The following MYRFL variants were observed in gnomAD, a reference collection of about 807,000 sequenced individuals.
MYRFL encodes myelin regulatory factor like.
Under a neutral mutation model 109.4 loss-of-function variants are expected in MYRFL, and 88 were observed. The ratio of observed to expected loss-of-function variants is 0.80; its 90% CI spans 0.68 to 0.96. MYRFL has a LOEUF of 0.96. Ranked by LOEUF, MYRFL falls within the 40% of genes least tolerant of loss-of-function variation. The pLI is 0.00. For missense variants in MYRFL, 957 were observed against 954.9 expected (o/e 1.00, Z -0.03); for synonymous variants, 324 against 320.9 (o/e 1.01, Z -0.10).
chr12:69,897,111 C>T (rs2136342262), intron 9 of MYRFL, 45 bp from the exon 10 acceptor site: 1 of 1,288,864 alleles, frequency 7.8e-7, no homozygotes, highest in East Asian at 2.5e-5. Context: ...CAAATTGTGT[C>T]TCCATTCCTG....
intron 19 of MYRFL, among the ~76,000 whole-genome samples, chr12:69,950,002 T>G (rs1955936578): frequency 6.6e-6 from 1 of 152,198 alleles, no homozygotes; most frequent in Admixed American, 6.5e-5. Context: ...TGTTAACAAA[T>G]AGTAGGTGTA....
rs975717241 is a variant in MYRFL at position 69,955,376 on chromosome 12, A to G, written c.2389A>G (p.Asn797Asp). 4 of 646,624 alleles carry G rather than the reference A, an allele frequency of 6.2e-6. No homozygotes were observed. The highest frequency in any genetic ancestry group is 3.6e-5 in the South Asian group (2 of 55,426). 40.1% of individuals were successfully genotyped at this position (646,624 alleles called of 1,614,324 possible). The change falls in exon 22 of 25, where the codon AAT (asparagine) becomes GAT (aspartate). Residue 797 changes from asparagine to aspartate, a missense_variant. By Grantham distance (23) the Asn-to-Asp change is conservative. Transcript: ENST00000552032. ...QSLQCGSGNY[N>D]YNIPVNKHTP... ...TTCCATAATTAGATCTGGAAATTAT[A>G]ATTACAATATTCCTGTTAATAAACA...
intron 1 of MYRFL, among the ~76,000 whole-genome samples, chr12:69,852,579 A>ATTTTTTTTTTTTTTTTTTTTTTATTT (rs61145700): frequency 8.9e-6 from 1 of 112,202 alleles, no homozygotes; most frequent in African/African-American, 3.3e-5. Context: ...TTAATTTTTA[A>ATTTTTTTTTTTTTTTTTTTTTTATTT]TTTTTTTTTT....
At chr12:69,843,017 A>G (rs543585838) in intron 1 of MYRFL, among the ~76,000 whole-genome samples, 1 of 152,242 alleles carries the variant, frequency 6.6e-6, no homozygotes, top group African/African-American at 2.4e-5. Flanking sequence ...GATTGGTAAT[A>G]TCTCTAAGAA....
At chr12:69,954,401 A>G (rs887751885) in intron 21 of MYRFL, among the ~76,000 whole-genome samples, 1 of 152,252 alleles carries the variant, frequency 6.6e-6, no homozygotes, top group Non-Finnish European at 1.5e-5. Flanking sequence ...TTTAAAAAGT[A>G]CATTGATTCA....
chr12:69,943,193 A>G (rs1188529672), intron 19 of MYRFL, among the ~76,000 whole-genome samples: 1 of 151,986 alleles, frequency 6.6e-6, no homozygotes, highest in South Asian at 2.1e-4. Flanking sequence ...TTTAAAGTTC[A>G]TATGGAACGA....
At chr12:69,886,627 C>T (rs1282774979) in intron 5 of MYRFL, among the ~76,000 whole-genome samples, 193 bp from the exon 6 acceptor site, 1 of 152,072 alleles carries the variant, frequency 6.6e-6, no homozygotes, top group Non-Finnish European at 1.5e-5. Context: ...CACCCTTTGA[C>T]AACGCTGACC....
intron 19 of MYRFL, chr12:69,947,166 A>AAATT (rs1440410225): frequency 6.6e-6 from 1 of 152,254 alleles, no homozygotes; most frequent in Non-Finnish European, 1.5e-5. Flanking sequence ...GACCAATTAA[A>AAATT]AATTAAGGAA....
rs1566002379 is a variant in MYRFL at position 69,891,641 on chromosome 12, C to CTTTCTTTCTTTCTTTCT, written c.903+478_903+494dup. ...TTTCTTTCCTCCTTCCTTTCTTTTTCTTTCTTTCTTTCTTTCTTTCTTTCT... is the reference window on the plus strand; with the variant it reads ...TTTCTTTCCTCCTTCCTTTCTTTTTCTTTCTTTCTTTCTTTCTTTTCTTTCTTTCTTTCTTTCTTTCT... On this transcript the variant is annotated intron_variant, in intron 7 of 24. Transcript: ENST00000552032. 6.1e-4 allele frequency among the ~76,000 whole-genome samples: 47 copies of CTTTCTTTCTTTCTTTCT among 77,630 alleles called. 4 individuals carry two copies. Among genetic ancestry groups the CTTTCTTTCTTTCTTTCT allele is most frequent in the South Asian group, 1.0e-3 (2 of 1,948 alleles). 50.9% of individuals were successfully genotyped at this position (77,630 alleles called of 152,430 possible).
At chr12:69,924,137 C>T (rs961431756) in intron 13 of MYRFL, among the ~76,000 whole-genome samples, 3 of 145,502 alleles carry the variant, frequency 2.1e-5, no homozygotes, top group East Asian at 2.0e-4. Flanking sequence ...TGCAGTGAGC[C>T]GAGATCATGC....
rs1955141629 is a variant in MYRFL at position 69,927,722 on chromosome 12, A to C, written c.1804A>C (p.Arg602=). Reference sequence around the variant, plus strand: ...AGCCGTTAGTGCATCTTCTCCAAGAAGGGCCGTTCATAAAAAAAACAACAA... The same window carrying C: ...AGCCGTTAGTGCATCTTCTCCAAGACGGGCCGTTCATAAAAAAAACAACAA... The part of the protein sequence containing the change: ...SRAVSASSPR[R]AVHKKNNKVY... The change falls in exon 15 of 25, where the codon AGG becomes CGG. Residue 602 remains arginine, a synonymous_variant. Transcript: ENST00000552032. The C allele has an allele frequency of 6.5e-7, 1 of 1,533,710 alleles. No homozygotes were observed.
chr12:69,888,530 T>C (rs1309941083), intron 6 of MYRFL, among the ~76,000 whole-genome samples: 4 of 152,220 alleles, frequency 2.6e-5, no homozygotes, highest in African/African-American at 9.6e-5. Context: ...TACTTAACTT[T>C]TGATATCAGA....
intron 13 of MYRFL, among the ~76,000 whole-genome samples, chr12:69,916,289 C>G (rs1954726126): frequency 6.6e-6 from 1 of 151,954 alleles, no homozygotes; most frequent in African/African-American, 2.4e-5. Flanking sequence ...TACATCAGCT[C>G]AGAGGAAGGA....
In MYRFL at chr12:69,879,679, CAGAAAT is replaced by C. The variant is rs1885938289; in HGVS notation, c.464+228_464+233del. On this transcript the variant is annotated intron_variant, in intron 4 of 24. Coordinates refer to ENST00000552032, the MANE Select transcript of MYRFL (RefSeq NM_182530.3). ...CTCATTCAACCAAAAGCTAAAATGT[CAGAAAT>C]ATACAGTGAGGTTCTGGATGATGGA... is the stretch of plus-strand genomic sequence containing the variant. 3.3e-5 allele frequency among the ~76,000 whole-genome samples: 5 copies of C among 152,252 alleles called. No individual in the cohort carries two copies. The South Asian group carries it at 1.0e-3, about 32-fold the overall frequency.
At chr12:69,835,639 T>A (rs1162837613) in intron 1 of MYRFL, among the ~76,000 whole-genome samples, 1 of 152,222 alleles carries the variant, frequency 6.6e-6, no homozygotes, top group Non-Finnish European at 1.5e-5. Flanking sequence ...AATGATCCTC[T>A]TTTTTTCTTC....
Position 69,903,775 on chromosome 12 carries a change from TGGCAACATGAAAGTGATGGGGAC to T in MYRFL, c.1315_1337del (p.Gly439HisfsTer6). ...CGCCGGACGAAGCCCTGGTTGTCTG[TGGCAACATGAAAGTGATGGGGAC>T]CATCATGCATCCCTCTGACAGCCGG... is the stretch of plus-strand genomic sequence containing the variant. On this transcript the variant is annotated frameshift_variant, in exon 11 of 25. Transcript: ENST00000552032. LOFTEE classifies it high-confidence loss of function. The T allele has an allele frequency of 6.5e-7, 1 of 1,535,776 alleles. No homozygotes were observed. Among genetic ancestry groups the T allele is most frequent in the Middle Eastern group, 1.7e-4 (1 of 5,982 alleles).
At chr12:69,923,197 T>C (rs1448660829) in intron 13 of MYRFL, among the ~76,000 whole-genome samples, 1 of 152,212 alleles carries the variant, frequency 6.6e-6, no homozygotes, top group African/African-American at 2.4e-5. Flanking sequence ...CCTGAGTCAT[T>C]TTGACCCAAC....
At position 69,910,937 on chromosome 12, in the gene MYRFL, A is replaced by G. The variant is rs1954547941; in HGVS notation, c.1602+7A>G. On this transcript the variant is annotated splice_region_variant and intron_variant, in intron 13 of 24. Transcript: ENST00000552032. ...CTTCCTCATGGTGGATAAGGTAATC[A>G]CTGAAAAGATATCAGCTGCTATAAG... 1.3e-6 allele frequency: 2 copies of G among 1,523,208 alleles called. No individual in the cohort carries two copies. Among genetic ancestry groups the G allele is most frequent in the African/African-American group, 2.7e-5 (2 of 72,750 alleles). The allele number at this position is 1,523,208 out of a possible 1,614,324, so 94.4% of individuals were successfully genotyped here.
At chr12:69,869,745 CT>C (rs2136328291) in intron 2 of MYRFL, among the ~76,000 whole-genome samples, 1 of 152,190 alleles carries the variant, frequency 6.6e-6, no homozygotes, top group African/African-American at 2.4e-5. Context: ...AGTATCCCAC[CT>C]AGATATTCAC....
Sources: gnomAD v4.1 joint callset for allele counts (sites outside exome capture counted in the v4.1 genomes callset) on GRCh38, gnomAD v4.1.1 for gene constraint, MANE v1.5 for transcripts, NCBI Gene and HGNC (gene_info 2026-07-23, HGNC 2026-07-21) for gene names.